Variants in OFD1 observed in about 807,000 individuals in gnomAD.
The protein encoded by OFD1 is OFD1 centriole and centriolar satellite protein.
OFD1 carries 12 observed loss-of-function variants against 81.4 expected under a neutral mutation model. The ratio of observed to expected loss-of-function variants is 0.15; its 90% CI spans 0.09 to 0.24. The LOEUF is 0.24. Among genes scored for constraint, OFD1 ranks in the 10% least tolerant of loss-of-function variants. The pLI, the probability that OFD1 is intolerant of heterozygous loss-of-function variation, is 1.00. For missense variants in OFD1, 685 were observed against 733.9 expected (o/e 0.93, Z 0.77); for synonymous variants, 256 against 263.7 (o/e 0.97, Z 0.28).
intron 9 of OFD1, among the ~76,000 whole-genome samples, chrX:13,750,965 A>G (rs914602578): frequency 8.0e-5 from 9 of 112,429 alleles, no homozygotes; most frequent in African/African-American, 2.9e-4. Flanking sequence ...TTTATCACCT[A>G]TAACCATTGT....
In OFD1 at chrX:13,755,322, T is replaced by TC; in HGVS notation, c.1221+81dup. On this transcript the variant is annotated intron_variant, in intron 12 of 22. Transcript: ENST00000340096. ...TTAGTCATACATAATTTATCCTAAG[T>TC]CATCCTGTTGAGATGTTTGGACTGC... 3 of 700,747 alleles carry TC rather than the reference T, an allele frequency of 4.3e-6. No homozygotes were observed. The Admixed American group carries it at 7.4e-5, about 17-fold the overall frequency. 57.7% of individuals were successfully genotyped at this position (700,747 alleles called of 1,213,427 possible).
At chrX:13,714,561 G>T in the OFD1 span, 1 of 663,462 alleles carries the variant, frequency 1.5e-6, no homozygotes, top group Non-Finnish European at 2.2e-6. Flanking sequence ...TTAAGTTTCT[G>T]AAAGGAAATC....
At chrX:13,744,225 C>T (rs1274953146) in intron 5 of OFD1, among the ~76,000 whole-genome samples, 190 bp from the exon 6 acceptor site, 2 of 110,987 alleles carry the variant, frequency 1.8e-5, no homozygotes, top group Non-Finnish European at 3.8e-5. Context: ...CCCAGGAGGT[C>T]GAGGCCGCAG....
chrX:13,725,394 C>T, the OFD1 span, among the ~76,000 whole-genome samples: 1 of 112,156 alleles, frequency 8.9e-6, no homozygotes, highest in Non-Finnish European at 1.9e-5. Context: ...TGGGATGAAG[C>T]TTCCAGAGGA....
intron 15 of OFD1, among the ~76,000 whole-genome samples, chrX:13,759,064 T>G (rs1233863606): frequency 8.9e-6 from 1 of 111,834 alleles, no homozygotes; most frequent in Non-Finnish European, 1.9e-5. Flanking sequence ...TATTATTGTG[T>G]CTTCACTGTG....
chrX:13,716,712 T>C, the OFD1 span: 9 of 1,201,506 alleles, frequency 7.5e-6, no homozygotes, highest in Non-Finnish European at 1.0e-5. Flanking sequence ...CAGATTAACA[T>C]TTGCATATGG....
chrX:13,735,421 T>G, intron 2 of OFD1, 75 bp downstream of exon 2: 1 of 769,341 alleles, frequency 1.3e-6, no homozygotes, highest in Non-Finnish European at 2.0e-6. Context: ...TCAATCAAGG[T>G]TTAGGTTTTA....
At chrX:13,755,700 T>G (rs1037561649) in intron 12 of OFD1, among the ~76,000 whole-genome samples, 11 of 112,323 alleles carry the variant, frequency 9.8e-5, no homozygotes, top group Non-Finnish European at 1.9e-4. Flanking sequence ...ATCTTACAGA[T>G]TAAAACAAAA....
chrX:13,772,799 G>A, downstream of OFD1: 1 of 920,987 alleles, frequency 1.1e-6, no homozygotes, highest in Non-Finnish European at 1.5e-6. Flanking sequence ...AGTTTGGTGG[G>A]ATACACATCT....
At position 13,738,998 on chromosome X, in the gene OFD1, A is replaced by G; in HGVS notation, c.382-4A>G. 3 of 1,201,432 alleles carry G rather than the reference A, an allele frequency of 2.5e-6. No homozygotes were observed. The highest frequency in any genetic ancestry group is 1.8e-5 in the South Asian group (1 of 56,678). Reference sequence around the variant, plus strand: ...AATAAAAGTGAAATATTTTCTTTTAACAGGTTTCAGGATCTGATAAAGAAA... The same window carrying G: ...AATAAAAGTGAAATATTTTCTTTTAGCAGGTTTCAGGATCTGATAAAGAAA... On this transcript the variant is annotated splice_polypyrimidine_tract_variant and splice_region_variant and intron_variant, in intron 4 of 22. Transcript: ENST00000340096.
chrX:13,725,998 A>G, the OFD1 span, among the ~76,000 whole-genome samples: 1 of 112,079 alleles, frequency 8.9e-6, no homozygotes. Context: ...CAAGTAGAAG[A>G]AAGGGTATCA....
At chrX:13,718,430 G>C in the OFD1 span, among the ~76,000 whole-genome samples, 1 of 112,866 alleles carries the variant, frequency 8.9e-6, no homozygotes, top group Admixed American at 9.4e-5. Context: ...AACGCTTTAA[G>C]AAAGTGAGTG....
the OFD1 span, among the ~76,000 whole-genome samples, chrX:13,723,226 G>A: frequency 2.7e-5 from 3 of 111,875 alleles, no homozygotes; most frequent in African/African-American, 9.7e-5. Context: ...CCAAACTAGT[G>A]GCACAATCTT....
intron 19 of OFD1, among the ~76,000 whole-genome samples, chrX:13,766,143 G>A (rs998320479): frequency 1.8e-5 from 2 of 112,243 alleles, no homozygotes; most frequent in African/African-American, 6.5e-5. Flanking sequence ...GAAAAGGGCA[G>A]GTTGTCAGAG....
the OFD1 span, among the ~76,000 whole-genome samples, chrX:13,722,895 C>G: frequency 9.0e-6 from 1 of 110,809 alleles, no homozygotes; most frequent in Non-Finnish European, 1.9e-5. Context: ...AACCCCATCT[C>G]TACTAAAAAT....
At chrX:13,766,087 AT>A (rs1417582458) in intron 19 of OFD1, among the ~76,000 whole-genome samples, 1 of 111,970 alleles carries the variant, frequency 8.9e-6, no homozygotes. Flanking sequence ...CAGATGAAAT[AT>A]TTCTCGTACA....
chrX:13,726,876 G>T, the OFD1 span, among the ~76,000 whole-genome samples: 1 of 111,794 alleles, frequency 8.9e-6, no homozygotes, highest in Non-Finnish European at 1.9e-5. Flanking sequence ...GATGTGCAAA[G>T]ACACACATAG....
chrX:13,728,163 C>G, the OFD1 span, among the ~76,000 whole-genome samples: 2 of 111,927 alleles, frequency 1.8e-5, no homozygotes, highest in Non-Finnish European at 3.8e-5. Context: ...CCGAATTCTA[C>G]CAGAGGTACA....
chrX:13,725,589 A>C, the OFD1 span, among the ~76,000 whole-genome samples: 1 of 112,162 alleles, frequency 8.9e-6, no homozygotes, highest in African/African-American at 3.2e-5. Flanking sequence ...CTACACCAAA[A>C]CCCCATCTGT....
Sources: gnomAD v4.1 joint callset for allele counts (sites outside exome capture counted in the v4.1 genomes callset) on GRCh38, gnomAD v4.1.1 for gene constraint, MANE v1.5 for transcripts, NCBI Gene and HGNC (gene_info 2026-07-23, HGNC 2026-07-21) for gene names.